Variants in USP7 observed in about 807,000 individuals in gnomAD.
USP7 encodes ubiquitin C-terminal hydrolase 7.
Under a neutral mutation model 162.9 loss-of-function variants are expected in USP7, and 9 were observed. The observed-to-expected ratio is 0.06, with a 90% CI of 0.03 to 0.10. The LOEUF (loss-of-function observed/expected upper bound fraction) is 0.10, where lower values mean the gene tolerates loss of function less well. Ranked by LOEUF, USP7 falls within the 10% of genes least tolerant of loss-of-function variation. USP7 has a pLI of 1.00. For missense variants in USP7, 715 were observed against 1,373.7 expected (o/e 0.52, Z 7.58); for synonymous variants, 562 against 475.9 (o/e 1.18, Z -2.35).
chr16:8,921,283 G>A lies in USP7; in HGVS notation c.396C>T (p.Cys132=). 2 of 1,613,924 alleles carry A rather than the reference G, an allele frequency of 1.2e-6. No individual in the cohort carries two copies. Among genetic ancestry groups the A allele is most frequent in the Non-Finnish European group, 1.7e-6 (2 of 1,179,948 alleles). ...NAESDSTSWS[C]HAQAVLKIIN... is the part of the protein sequence containing the mutation. ...TTATCTTCAGCACTGCTTGTGCATGGCAAGACCATGACCTGTTTAAAAGAA... is the reference window on the plus strand; with the variant it reads ...TTATCTTCAGCACTGCTTGTGCATGACAAGACCATGACCTGTTTAAAAGAA... Residue 132 remains cysteine (C), a synonymous_variant, in exon 4 of 31, where the codon TGC becomes TGT. Coordinates refer to ENST00000344836, the MANE Select transcript of USP7 (RefSeq NM_003470.3).
chr16:8,896,642 G>A (rs2061685231), intron 26 of USP7, among the ~76,000 whole-genome samples: 2 of 152,142 alleles, frequency 1.3e-5, no homozygotes, highest in African/African-American at 2.4e-5. Context: ...TCGTTCAAAT[G>A]GAATCGTATC....
intron 2 of USP7, among the ~76,000 whole-genome samples, chr16:8,928,139 A>T (rs2141225631): frequency 6.6e-6 from 1 of 152,312 alleles, no homozygotes; most frequent in African/African-American, 2.4e-5. Flanking sequence ...CTCTCCCTCA[A>T]CTATACATGT....
intron 1 of USP7, among the ~76,000 whole-genome samples, chr16:8,932,805 G>T (rs955280095): frequency 6.6e-6 from 1 of 152,076 alleles, no homozygotes; most frequent in Non-Finnish European, 1.5e-5. Context: ...AAGCAGGATA[G>T]TGCCTTATCT....
At chr16:8,921,419 T>A in intron 3 of USP7, 124 bp from the exon 4 acceptor site, 1 of 1,186,900 alleles carries the variant, frequency 8.4e-7, no homozygotes, top group East Asian at 2.6e-5. Flanking sequence ...TCCTTTCGGG[T>A]TGGGGTTAAA....
chr16:8,920,443 A>C lies in USP7; in HGVS notation c.527T>G (p.Val176Gly). The C allele has an allele frequency of 6.2e-7, 1 of 1,610,740 alleles. No homozygotes were observed. Among genetic ancestry groups the C allele is most frequent in the Non-Finnish European group, 8.5e-7 (1 of 1,178,948 alleles). ...GFSNFMAWSEVTDPEKGFIDD... is the reference protein window; with the variant it reads ...GFSNFMAWSEGTDPEKGFIDD... Reference sequence around the variant, plus strand: ...TATAAATCCTTTCTCAGGATCGGTCACTTCCTATAAAACATAAATAAGAAT... The same window carrying C: ...TATAAATCCTTTCTCAGGATCGGTCCCTTCCTATAAAACATAAATAAGAAT... Residue 176 changes from valine to glycine, a missense_variant, in exon 5 of 31, where the codon GTG (valine) becomes GGG (glycine). By Grantham distance (109) the Val-to-Gly change is moderately radical. Around this residue, in one of 11 missense-constraint regions of USP7, gnomAD observed 30 missense variants for 27.6 expected, o/e 1.09. Coordinates refer to ENST00000344836, the MANE Select transcript of USP7 (RefSeq NM_003470.3).
chr16:8,935,090 T>C (rs1898617216), intron 1 of USP7, among the ~76,000 whole-genome samples: 1 of 152,190 alleles, frequency 6.6e-6, no homozygotes, highest in Non-Finnish European at 1.5e-5. Context: ...GGCATGCACA[T>C]ACATTTACTG....
At chr16:8,936,669 ACAT>A (rs901321573) in intron 1 of USP7, 6 of 1,537,920 alleles carry the variant, frequency 3.9e-6, no homozygotes, top group African/African-American at 2.7e-5. Flanking sequence ...TCTCTCACCC[ACAT>A]CAGAGTGACT....
intron 1 of USP7, among the ~76,000 whole-genome samples, chr16:8,946,191 C>A (rs1291048160): frequency 2.0e-5 from 3 of 152,160 alleles, no homozygotes; most frequent in African/African-American, 7.2e-5. Context: ...AACCCCAAGA[C>A]TGTAAGAAAA....
At chr16:8,914,805 G>C (rs1457095942) in intron 10 of USP7, among the ~76,000 whole-genome samples, 1 of 152,122 alleles carries the variant, frequency 6.6e-6, no homozygotes, top group Non-Finnish European at 1.5e-5. Flanking sequence ...TGTGTTCCCA[G>C]CCACTGGGGA....
Position 8,893,788 on chromosome 16 carries a change from C to T in USP7, c.*210G>A. The stretch of plus-strand genomic sequence containing the variant: ...CCATAAAATAACTCTCATTGGCATC[C>T]AAGCTTTATAAAAACATCTTCATTT... On this transcript the variant is annotated 3_prime_UTR_variant, in exon 31 of 31. Transcript: ENST00000344836. 1.9e-6 allele frequency: 1 copy of T among 539,362 alleles called. No individual in the cohort carries two copies. Among genetic ancestry groups the T allele is most frequent in the Non-Finnish European group, 3.3e-6 (1 of 298,624 alleles). The allele number at this position is 539,362 out of a possible 1,614,324, so 33.4% of individuals were successfully genotyped here. A position where few individuals can be genotyped will look rare whatever the true frequency, so the allele number is the denominator to read the frequency against.
chr16:8,957,951 G>A (rs921283367), intron 1 of USP7, among the ~76,000 whole-genome samples: 1 of 152,104 alleles, frequency 6.6e-6, no homozygotes, highest in Non-Finnish European at 1.5e-5. Flanking sequence ...AAAACTGAAT[G>A]AGCACCTATC....
rs1455760136 is a variant in USP7 at position 8,963,219 on chromosome 16, T to C, written c.67A>G (p.Met23Val). The C allele has an allele frequency of 4.3e-6, 6 of 1,401,122 alleles. No individual in the cohort carries two copies. Among genetic ancestry groups the C allele is most frequent in the Non-Finnish European group, 5.6e-6 (6 of 1,067,224 alleles). 86.8% of individuals were successfully genotyped at this position (1,401,122 alleles called of 1,614,324 possible). ...GEQQLSEPED[M>V]EMEAGDTDDP... ...CCTCGGGCCTCACCTTCCATCTCCA[T>C]GTCCTCGGGCTCGCTCAACTGCTGC... is the stretch of plus-strand genomic sequence containing the variant. The change falls in exon 1 of 31, where the codon ATG becomes GTG. Residue 23 changes from methionine (M) to valine (V), a missense_variant. Met to Val is a conservative substitution (Grantham distance 21). This residue lies in a region of USP7 where 137 missense variants were observed against 123.5 expected (regional missense o/e 1.11). Coordinates refer to ENST00000344836, the MANE Select transcript of USP7 (RefSeq NM_003470.3).
rs1315038655 is a variant in USP7, at chr16:8,907,983, C to G, written c.1271+358G>C. On this transcript the variant is annotated intron_variant, in intron 12 of 30. Coordinates refer to ENST00000344836, the MANE Select transcript of USP7 (RefSeq NM_003470.3). ...TTTAAACGAATACACTAAAAGTCCC[C>G]TCTGAAATAACATTTATAATCGGTC... Among the ~76,000 whole-genome samples the G allele has an allele frequency of 7.9e-5, 12 of 152,304 alleles. No homozygotes were observed. In the South Asian group the frequency reaches 2.5e-3, roughly 32 times the overall value.
intron 2 of USP7, among the ~76,000 whole-genome samples, chr16:8,925,161 G>A (rs2141219259): frequency 6.6e-6 from 1 of 152,322 alleles, no homozygotes; most frequent in Middle Eastern, 3.4e-3. Context: ...AGGAAATGGA[G>A]GTTCGCCGAG....
At chr16:8,933,304 T>C (rs927957010) in intron 1 of USP7, among the ~76,000 whole-genome samples, 1 of 151,988 alleles carries the variant, frequency 6.6e-6, no homozygotes, top group Non-Finnish European at 1.5e-5. Context: ...CCAGCACTTG[T>C]GGGGGGCCAA....
chr16:8,904,348 G>A, intron 15 of USP7, 87 bp downstream of exon 15: 1 of 1,561,508 alleles, frequency 6.4e-7, no homozygotes. Flanking sequence ...GGGAGTCCCA[G>A]AGGGGTGGGG....
intron 1 of USP7, among the ~76,000 whole-genome samples, chr16:8,946,598 A>G (rs919682905): frequency 6.6e-6 from 1 of 152,144 alleles, no homozygotes; most frequent in African/African-American, 2.4e-5. Context: ...GCTGGACAAA[A>G]CTCAACTAAA....
chr16:8,898,462 T>C (rs1178374561), intron 24 of USP7, 25 bp from the exon 25 acceptor site: 1 of 1,607,926 alleles, frequency 6.2e-7, no homozygotes, highest in Middle Eastern at 1.7e-4. Flanking sequence ...AAGATTCACA[T>C]CAGATACCGT....
chr16:8,907,893 G>C (rs1313297733), intron 12 of USP7, among the ~76,000 whole-genome samples: 2 of 152,174 alleles, frequency 1.3e-5, no homozygotes, highest in African/African-American at 4.8e-5. Flanking sequence ...TAGCATTCTT[G>C]AAAACTCTAG....
Sources: allele counts gnomAD v4.1 joint callset (sites outside exome capture counted in the v4.1 genomes callset), GRCh38; gene constraint gnomAD v4.1.1; regional missense constraint gnomAD v4.1.1; transcripts MANE v1.5; gene names NCBI Gene and HGNC (gene_info 2026-07-23, HGNC 2026-07-21).